The following HS3ST2 variants were observed in gnomAD, a reference collection of about 807,000 sequenced individuals.
HS3ST2 encodes heparan sulfate glucosamine 3-O-sulfotransferase 2.
A neutral mutation model predicts 26.3 loss-of-function variants in HS3ST2; 17 were observed. The observed-to-expected ratio is 0.65, with a 90% CI of 0.44 to 0.97. The LOEUF (loss-of-function observed/expected upper bound fraction) is 0.97. Among genes scored for constraint, HS3ST2 ranks in the 50% least tolerant of loss-of-function variants. The pLI is 0.00. For synonymous variants in HS3ST2, 237 were observed against 219.2 expected, an observed-to-expected ratio of 1.08 and a Z score of -0.72; for missense variants, 402 against 501.2, an observed-to-expected ratio of 0.80 and a Z score of 1.89.
chr16:22,819,398 G>A (rs1900955357), intron 1 of HS3ST2, among the ~76,000 whole-genome samples: 1 of 152,134 alleles, frequency 6.6e-6, no homozygotes, highest in Non-Finnish European at 1.5e-5. Flanking sequence ...AAGGAAGTTT[G>A]GATGTGAAAT....
At chr16:22,824,350 C>T (rs1279388869) in intron 1 of HS3ST2, among the ~76,000 whole-genome samples, 1 of 152,106 alleles carries the variant, frequency 6.6e-6, no homozygotes, top group Non-Finnish European at 1.5e-5. Flanking sequence ...AGATCGAGAC[C>T]ATCTGGTTAA....
At chr16:22,839,560 T>C (rs1901322214) in intron 1 of HS3ST2, among the ~76,000 whole-genome samples, 1 of 152,214 alleles carries the variant, frequency 6.6e-6, no homozygotes, top group South Asian at 2.1e-4. Context: ...GAAATTTTCT[T>C]TCCTGGGTAG....
intron 1 of HS3ST2, among the ~76,000 whole-genome samples, chr16:22,828,868 T>G (rs1901128983): frequency 6.6e-6 from 1 of 152,196 alleles, no homozygotes; most frequent in East Asian, 1.9e-4. Context: ...CAAGAAATCC[T>G]TGGGTAACTT....
chr16:22,829,935 G>T (rs563877159), intron 1 of HS3ST2, among the ~76,000 whole-genome samples: 24 of 152,300 alleles, frequency 1.6e-4, no homozygotes, highest in African/African-American at 5.8e-4. Context: ...TCATCACACA[G>T]ACCTTGGTCA....
At chr16:22,817,647 C>T (rs1222537844) in intron 1 of HS3ST2, among the ~76,000 whole-genome samples, 1 of 152,166 alleles carries the variant, frequency 6.6e-6, no homozygotes, top group Non-Finnish European at 1.5e-5. Flanking sequence ...GCTCTCTGTC[C>T]ACTGCCTTGT....
intron 1 of HS3ST2, among the ~76,000 whole-genome samples, chr16:22,874,207 T>G (rs1901878733): frequency 6.6e-6 from 1 of 152,160 alleles, no homozygotes; most frequent in African/African-American, 2.4e-5. Context: ...TCCTTCAACT[T>G]CTAGTTGTCA....
At chr16:22,895,199 C>T (rs1043280582) in intron 1 of HS3ST2, among the ~76,000 whole-genome samples, 1 of 151,860 alleles carries the variant, frequency 6.6e-6, no homozygotes, top group Non-Finnish European at 1.5e-5. Context: ...AAGCTATTCT[C>T]CTGCCTCAGC....
At chr16:22,908,040 T>C (rs1902377768) in intron 1 of HS3ST2, among the ~76,000 whole-genome samples, 1 of 152,088 alleles carries the variant, frequency 6.6e-6, no homozygotes, top group African/African-American at 2.4e-5. Flanking sequence ...GGCAGGAGGA[T>C]TGCGTGAGCC....
intron 1 of HS3ST2, among the ~76,000 whole-genome samples, chr16:22,901,808 A>G (rs1035427466): frequency 2.6e-5 from 4 of 152,124 alleles, no homozygotes; most frequent in Non-Finnish European, 4.4e-5. Flanking sequence ...CACTCCAGAC[A>G]TGTTTCCTCC....
At chr16:22,859,941 A>C (rs960607932) in intron 1 of HS3ST2, among the ~76,000 whole-genome samples, 1 of 152,074 alleles carries the variant, frequency 6.6e-6, no homozygotes, top group Non-Finnish European at 1.5e-5. Flanking sequence ...GCTCCCTGAC[A>C]TATTCCTCAA....
chr16:22,818,667 C>T (rs1489806664), intron 1 of HS3ST2, among the ~76,000 whole-genome samples: 1 of 145,218 alleles, frequency 6.9e-6, no homozygotes, highest in Admixed American at 6.7e-5. Context: ...TTCCTTCCTT[C>T]CTTCCTTCCT....
intron 1 of HS3ST2, among the ~76,000 whole-genome samples, chr16:22,832,977 G>A (rs1010389365): frequency 3.9e-5 from 6 of 152,134 alleles, no homozygotes; most frequent in Admixed American, 1.3e-4. Flanking sequence ...CCCAGAGCTG[G>A]GGGACAACAT....
intron 1 of HS3ST2, among the ~76,000 whole-genome samples, chr16:22,914,540 C>CAAAAAATAG (rs1902464901): frequency 6.6e-6 from 1 of 151,370 alleles, no homozygotes; most frequent in African/African-American, 2.4e-5. Flanking sequence ...CCCTGCTCTA[C>CAAAAAATAG]AAAAAATAGA....
At chr16:22,827,876 A>AT (rs1408041683) in intron 1 of HS3ST2, among the ~76,000 whole-genome samples, 3 of 151,314 alleles carry the variant, frequency 2.0e-5, no homozygotes, top group African/African-American at 7.3e-5. Flanking sequence ...TGCCCGGCTA[A>AT]TTTTTGTATT....
At chr16:22,877,480 G>A (rs543439568) in intron 1 of HS3ST2, among the ~76,000 whole-genome samples, 4 of 152,156 alleles carry the variant, frequency 2.6e-5, no homozygotes, top group Admixed American at 6.5e-5. Context: ...TTGGCCTGGC[G>A]ACTTACTGCA....
chr16:22,879,848 C>T (rs537916417), intron 1 of HS3ST2, among the ~76,000 whole-genome samples: 2 of 152,242 alleles, frequency 1.3e-5, no homozygotes, highest in Non-Finnish European at 2.9e-5. Context: ...TCACTTCTGC[C>T]TTCTGCCATC....
At chr16:22,882,060 T>G (rs1197081746) in intron 1 of HS3ST2, among the ~76,000 whole-genome samples, 1 of 152,228 alleles carries the variant, frequency 6.6e-6, no homozygotes, top group Non-Finnish European at 1.5e-5. Flanking sequence ...TACATCACAT[T>G]TTAAAAATGA....
chr16:22,832,341 T>C (rs1382146070), intron 1 of HS3ST2, among the ~76,000 whole-genome samples: 1 of 152,022 alleles, frequency 6.6e-6, no homozygotes, highest in Non-Finnish European at 1.5e-5. Context: ...GAAACATCCC[T>C]GATTATAGAA....
At chr16:22,866,022 T>C (rs143906535) in intron 1 of HS3ST2, among the ~76,000 whole-genome samples, 6 of 152,330 alleles carry the variant, frequency 3.9e-5, no homozygotes, top group Non-Finnish European at 5.9e-5. Context: ...GACTAGAGGA[T>C]GGTCTTTAAT....
Sources: gnomAD v4.1 joint callset for allele counts (sites outside exome capture counted in the v4.1 genomes callset) on GRCh38, gnomAD v4.1.1 for gene constraint, MANE v1.5 for transcripts, NCBI Gene and HGNC (gene_info 2026-07-23, HGNC 2026-07-21) for gene names.